Variants in PRKDC observed in about 807,000 individuals in gnomAD.
The protein encoded by PRKDC is DNA-dependent protein kinase catalytic subunit.
In PRKDC, 82 loss-of-function variants were observed where a neutral mutation model predicts 486.9. That is an observed-to-expected ratio of 0.17 (90% CI 0.14 to 0.20). The LOEUF (loss-of-function observed/expected upper bound fraction) is 0.20. Ranked by LOEUF, PRKDC falls within the 10% of genes least tolerant of loss-of-function variation. The pLI, the probability that PRKDC is intolerant of heterozygous loss-of-function variation, is 1.00. For missense variants in PRKDC, 4,504 were observed against 5,038.2 expected, an observed-to-expected ratio of 0.89 and a Z score of 3.21; for synonymous variants, 1,895 against 1,837.0, an observed-to-expected ratio of 1.03 and a Z score of -0.81.
chr8:47,908,965 T>A (rs1466287367), intron 25 of PRKDC, among the ~76,000 whole-genome samples: 2 of 152,198 alleles, frequency 1.3e-5, no homozygotes, highest in African/African-American at 4.8e-5. Flanking sequence ...AACTAGGCCT[T>A]GATTTCTGGG....
At chr8:47,780,780 A>G (rs781509720) in intron 80 of PRKDC, among the ~76,000 whole-genome samples, 5 of 152,138 alleles carry the variant, frequency 3.3e-5, no homozygotes, top group Non-Finnish European at 2.9e-5. Context: ...CCTACTAAAA[A>G]TACAAAAATT....
At chr8:47,800,712 ATT>A (rs1272770759) in intron 71 of PRKDC, 79 bp downstream of exon 71, 1 of 1,265,728 alleles carries the variant, frequency 7.9e-7, no homozygotes, top group Non-Finnish European at 1.1e-6. Flanking sequence ...CAACATCCTT[ATT>A]ATTACTTTCC....
chr8:47,852,852 C>T, intron 51 of PRKDC, 68 bp from the exon 52 acceptor site: 1 of 1,066,130 alleles, frequency 9.4e-7, no homozygotes, highest in Non-Finnish European at 1.4e-6. Context: ...ATATAAATGA[C>T]AATTTTCCTT....
intron 49 of PRKDC, among the ~76,000 whole-genome samples, chr8:47,856,250 G>A (rs572061642): frequency 1.4e-4 from 22 of 152,120 alleles, no homozygotes; most frequent in African/African-American, 3.4e-4. Flanking sequence ...CTGGGGGAAC[G>A]TAGTCTCACT....
intron 21 of PRKDC, among the ~76,000 whole-genome samples, chr8:47,918,591 G>A (rs1563803017): frequency 6.6e-6 from 1 of 152,226 alleles, no homozygotes; most frequent in Non-Finnish European, 1.5e-5. Flanking sequence ...CTTGGGAAGT[G>A]TCTGACTCCA....
At chr8:47,952,585 G>C (rs2090642993) in intron 7 of PRKDC, among the ~76,000 whole-genome samples, 1 of 152,202 alleles carries the variant, frequency 6.6e-6, no homozygotes, top group Admixed American at 6.5e-5. Flanking sequence ...GCTAGGTGTG[G>C]TGGCTCATGC....
At chr8:47,905,204 T>A (rs1346391907) in intron 25 of PRKDC, among the ~76,000 whole-genome samples, 2 of 152,122 alleles carry the variant, frequency 1.3e-5, no homozygotes, top group Non-Finnish European at 2.9e-5. Flanking sequence ...TTAAAATTTT[T>A]TTTTTGTAGA....
intron 36 of PRKDC, among the ~76,000 whole-genome samples, chr8:47,885,175 G>C (rs2089299796): frequency 6.6e-6 from 1 of 152,186 alleles, no homozygotes; most frequent in African/African-American, 2.4e-5. Flanking sequence ...TTTTAAGACA[G>C]AGTCTCGCTT....
chr8:47,916,307 G>C (rs1255543242), intron 22 of PRKDC, among the ~76,000 whole-genome samples: 1 of 152,036 alleles, frequency 6.6e-6, no homozygotes, highest in Non-Finnish European at 1.5e-5. Context: ...AATTAGCCAG[G>C]CGTGGTGGCA....
rs1444350414 is a variant in PRKDC at position 47,859,624 on chromosome 8, C to T, written c.6194G>A (p.Arg2065His). Residue 2065 changes from arginine (R) to histidine (H), a missense_variant, in exon 46 of 86, where the codon CGT becomes CAT. Transcript: ENST00000314191. ...SSQDPRPATG[R>H]FRRREQRDPT... ...AAATGTGATCACCCGTCTCCGAAAACGACCAGTGGCAGGTCTAGGGTCTTG... is the reference window on the plus strand; with the variant it reads ...AAATGTGATCACCCGTCTCCGAAAATGACCAGTGGCAGGTCTAGGGTCTTG... 8 of 1,609,894 alleles carry T rather than the reference C, an allele frequency of 5.0e-6. No individual in the cohort carries two copies. Among genetic ancestry groups the T allele is most frequent in the South Asian group, 2.2e-5 (2 of 89,790 alleles).
At chr8:47,898,665 G>C in intron 28 of PRKDC, 96 bp from the exon 29 acceptor site, 3 of 713,592 alleles carry the variant, frequency 4.2e-6, no homozygotes, top group Non-Finnish European at 6.0e-6. Flanking sequence ...ATTTTTAACT[G>C]AAAAGGTAAT....
At chr8:47,885,667 C>T (rs1054144633) in intron 36 of PRKDC, among the ~76,000 whole-genome samples, 1 of 151,918 alleles carries the variant, frequency 6.6e-6, no homozygotes, top group East Asian at 2.0e-4. Flanking sequence ...CCAAACTGGG[C>T]GGATCACGAG....
chr8:47,947,040 G>A (rs1255811904), intron 7 of PRKDC, among the ~76,000 whole-genome samples: 2 of 152,062 alleles, frequency 1.3e-5, no homozygotes, highest in Non-Finnish European at 2.9e-5. Context: ...CCAACCCTGC[G>A]TCCTTCCCAT....
At chr8:47,955,814 G>A in intron 4 of PRKDC, 60 bp downstream of exon 4, 1 of 1,361,374 alleles carries the variant, frequency 7.3e-7, no homozygotes, top group Non-Finnish European at 1.0e-6. Flanking sequence ...TCAAAACTCT[G>A]ATTTTCTTTT....
chr8:47,777,673 A>C lies in PRKDC; in HGVS notation c.12042+13T>G. ...GTCACAAAAGTGAAAAGTGCACATGAAACAAAACCTACTTTCCAATCAAAG... is the reference window on the plus strand; with the variant it reads ...GTCACAAAAGTGAAAAGTGCACATGCAACAAAACCTACTTTCCAATCAAAG... On this transcript the variant is annotated intron_variant, in intron 84 of 85. Coordinates refer to ENST00000314191, the MANE Select transcript of PRKDC (RefSeq NM_006904.7). 6.4e-7 allele frequency: 1 copy of C among 1,570,736 alleles called. No homozygotes were observed. Among genetic ancestry groups the C allele is most frequent in the African/African-American group, 1.4e-5 (1 of 73,778 alleles).
chr8:47,822,647 G>A (rs1393882561), intron 64 of PRKDC, among the ~76,000 whole-genome samples: 3 of 151,428 alleles, frequency 2.0e-5, no homozygotes, highest in African/African-American at 4.9e-5. Flanking sequence ...AAAATTAGCC[G>A]GGCGTGGTGG....
intron 27 of PRKDC, among the ~76,000 whole-genome samples, chr8:47,902,115 C>T (rs1220392140): frequency 1.3e-5 from 2 of 152,212 alleles, no homozygotes; most frequent in African/African-American, 4.8e-5. Flanking sequence ...CACCTGCCTC[C>T]AAACCTCAAA....
In PRKDC at chr8:47,800,828, C is replaced by G. The variant is rs1168761877; in HGVS notation, c.10081G>C (p.Glu3361Gln). ...IEEDKARRIL[E>Q]LSGSSSEDSE... ...TCCTCTGAACTGGATCCAGAAAGCT[C>G]TAAGATTCTTCTAGCCTTGTCCTCC... is the stretch of plus-strand genomic sequence containing the variant. The change falls in exon 71 of 86, where the codon GAG (glutamate) becomes CAG (glutamine). Residue 3361 changes from glutamate (E) to glutamine (Q), a missense_variant. Around this residue, in one of 6 missense-constraint regions of PRKDC, gnomAD observed 1,592 missense variants for 1,724.6 expected, o/e 0.92. Coordinates refer to ENST00000314191, the MANE Select transcript of PRKDC (RefSeq NM_006904.7). The G allele has an allele frequency of 2.5e-6, 4 of 1,612,428 alleles. No individual in the cohort carries two copies. The African/African-American group carries it at 5.3e-5, about 22-fold the overall frequency.
rs2087851143 is a variant in PRKDC, at chr8:47,830,861, CAG to C, written c.8266-127_8266-126del. ...GCGAAGTGGTGGGAACTGATGCTCGCAGAGGCTCAGTCGCCGTACTTTACCGT... is the reference window on the plus strand; with the variant it reads ...GCGAAGTGGTGGGAACTGATGCTCGCAGGCTCAGTCGCCGTACTTTACCGT... On this transcript the variant is annotated intron_variant, in intron 60 of 85. Transcript: ENST00000314191. 10 of 1,164,918 alleles carry C rather than the reference CAG, an allele frequency of 8.6e-6. No homozygotes were observed. The South Asian group carries it at 1.4e-4, about 16-fold the overall frequency. The allele number at this position is 1,164,918 out of a possible 1,614,324, so 72.2% of individuals were successfully genotyped here.
Sources: allele counts gnomAD v4.1 joint callset (sites outside exome capture counted in the v4.1 genomes callset), GRCh38; gene constraint gnomAD v4.1.1; regional missense constraint gnomAD v4.1.1; transcripts MANE v1.5; gene names NCBI Gene and HGNC (gene_info 2026-07-23, HGNC 2026-07-21).